The following PRDM6 variants were observed in gnomAD, a reference collection of about 807,000 sequenced individuals.
The protein encoded by PRDM6 is putative histone-lysine N-methyltransferase PRDM6.
Under a neutral mutation model 60.8 loss-of-function variants are expected in PRDM6, and 25 were observed. The ratio of observed to expected loss-of-function variants is 0.41; its 90% CI spans 0.30 to 0.57. The LOEUF (loss-of-function observed/expected upper bound fraction) is 0.57. PRDM6 is among the 20% of genes least tolerant of loss of function. The pLI is 0.27. For synonymous variants in PRDM6, 407 were observed against 357.4 expected, an observed-to-expected ratio of 1.14 and a Z score of -1.57; for missense variants, 839 against 821.3, an observed-to-expected ratio of 1.02 and a Z score of -0.26.
chr5:123,180,389 C>CA, intron 7 of PRDM6, 66 bp downstream of exon 7: 4 of 1,461,106 alleles, frequency 2.7e-6, no homozygotes, highest in Non-Finnish European at 3.7e-6. Context: ...GCTGATGCAT[C>CA]AGCACAGTGC....
chr5:123,090,634 TCCCGGGGCGCCGGCGCCGG>T (rs1763813426), intron 2 of PRDM6, 28 bp downstream of exon 2: 8 of 1,280,776 alleles, frequency 6.2e-6, no homozygotes, highest in Non-Finnish European at 8.0e-6. Context: ...GCGCGCTCTC[TCCCGGGGCGCCGGCGCCGG>T]CGCCGGCGGG....
chr5:123,124,263 T>C (rs549542579), intron 3 of PRDM6, among the ~76,000 whole-genome samples: 3 of 152,294 alleles, frequency 2.0e-5, no homozygotes, highest in African/African-American at 4.8e-5. Flanking sequence ...ATTTATTTCA[T>C]TGTAGATGTC....
At chr5:123,144,904 A>G (rs1198451840) in intron 3 of PRDM6, among the ~76,000 whole-genome samples, 3 of 152,134 alleles carry the variant, frequency 2.0e-5, no homozygotes, top group East Asian at 3.9e-4. Context: ...GTATCCTTTT[A>G]TCTATATCCA....
intron 3 of PRDM6, among the ~76,000 whole-genome samples, chr5:123,133,189 C>G (rs1368169797): frequency 6.6e-6 from 1 of 152,048 alleles, no homozygotes; most frequent in Non-Finnish European, 1.5e-5. Flanking sequence ...TGTTAGTTAT[C>G]TCTGTCATAA....
intron 3 of PRDM6, among the ~76,000 whole-genome samples, chr5:123,116,167 G>A (rs1764439792): frequency 6.6e-6 from 1 of 152,180 alleles, no homozygotes. Context: ...AAGGTCGGGT[G>A]GAGCTGGCTC....
At chr5:123,142,903 C>CAAAAAAAA (rs1337695138) in intron 3 of PRDM6, among the ~76,000 whole-genome samples, 1 of 68,128 alleles carries the variant, frequency 1.5e-5, no homozygotes, top group African/African-American at 5.9e-5. Context: ...AAAAAAAAAA[C>CAAAAAAAA]AAACAAACCA....
intron 3 of PRDM6, among the ~76,000 whole-genome samples, chr5:123,144,510 T>A (rs1765192664): frequency 6.6e-6 from 1 of 151,782 alleles, no homozygotes; most frequent in Non-Finnish European, 1.5e-5. Flanking sequence ...CACTGAGGCA[T>A]GAATGGGGTG....
At chr5:123,160,960 A>G (rs466970) in intron 5 of PRDM6, among the ~76,000 whole-genome samples, 31,569 of 151,974 alleles carry the variant, frequency 0.21, 3,904 homozygotes, top group African/African-American at 0.34. Context: ...AAACAGAATG[A>G]CTCCATGCCC....
At chr5:123,093,673 A>G (rs1313666250) in intron 2 of PRDM6, among the ~76,000 whole-genome samples, 1 of 151,974 alleles carries the variant, frequency 6.6e-6, no homozygotes, top group East Asian at 1.9e-4. Flanking sequence ...TACTGCCCTC[A>G]TTTGCTGCTG....
chr5:123,145,090 C>T (rs753293648), intron 3 of PRDM6, among the ~76,000 whole-genome samples: 2 of 152,166 alleles, frequency 1.3e-5, no homozygotes, highest in Non-Finnish European at 2.9e-5. Context: ...AGGTTATATC[C>T]TTGCATGCTT....
rs1416188982 is a variant in PRDM6, at chr5:123,170,449, TC to T, written c.1154-314del. 2.6e-5 allele frequency among the ~76,000 whole-genome samples: 4 copies of T among 152,218 alleles called. No individual in the cohort carries two copies. In the East Asian group the frequency reaches 5.8e-4, roughly 22 times the overall value. ...CTCTTGCTGTGCCTCCCATCTAAAC[TC>T]CCTCCAGGCATAGGTGCAGTGTGGT... On this transcript the variant is annotated intron_variant, in intron 5 of 7. Coordinates refer to ENST00000407847, the MANE Select transcript of PRDM6 (RefSeq NM_001136239.4).
At chr5:123,127,479 A>G (rs1225530313) in intron 3 of PRDM6, among the ~76,000 whole-genome samples, 2 of 152,216 alleles carry the variant, frequency 1.3e-5, no homozygotes, top group Admixed American at 1.3e-4. Context: ...TGTGTGTAGC[A>G]TCGTTGAGAG....
chr5:123,185,830 G>A (rs79887238), intron 7 of PRDM6, among the ~76,000 whole-genome samples: 11 of 152,326 alleles, frequency 7.2e-5, no homozygotes, highest in African/African-American at 2.4e-4. Flanking sequence ...ATTTACTGAA[G>A]AGGAGAAAGA....
intron 3 of PRDM6, among the ~76,000 whole-genome samples, chr5:123,152,641 T>C (rs571211729): frequency 6.6e-6 from 1 of 152,344 alleles, no homozygotes; most frequent in African/African-American, 2.4e-5. Flanking sequence ...ATTATTGTTG[T>C]TATCATAAGC....
chr5:123,167,412 G>A (rs1025559584), intron 5 of PRDM6, among the ~76,000 whole-genome samples: 3 of 146,872 alleles, frequency 2.0e-5, no homozygotes, highest in Admixed American at 1.3e-4. Context: ...TTTTTGAGAC[G>A]GAGTTTCACT....
chr5:123,105,949 C>T (rs1764189996), intron 3 of PRDM6, among the ~76,000 whole-genome samples: 1 of 152,196 alleles, frequency 6.6e-6, no homozygotes, highest in Non-Finnish European at 1.5e-5. Flanking sequence ...TGTGTAGGCC[C>T]CAGGCTCCAG....
At chr5:123,113,956 G>C (rs1017307082) in intron 3 of PRDM6, among the ~76,000 whole-genome samples, 1 of 152,172 alleles carries the variant, frequency 6.6e-6, no homozygotes, top group African/African-American at 2.4e-5. Context: ...ATGAGGCATT[G>C]TACAGGTCAC....
chr5:123,091,615 A>C (rs142278021), intron 2 of PRDM6, among the ~76,000 whole-genome samples: 15 of 152,340 alleles, frequency 9.8e-5, no homozygotes, highest in Admixed American at 9.2e-4. Flanking sequence ...CAGAAGTTAT[A>C]CTGTGTTTAC....
intron 6 of PRDM6, among the ~76,000 whole-genome samples, chr5:123,172,658 T>A (rs1765919073): frequency 6.6e-6 from 1 of 152,228 alleles, no homozygotes; most frequent in Admixed American, 6.5e-5. Context: ...GCTTTTTAAA[T>A]AGAGTGAATT....
Sources: gnomAD v4.1 joint callset for allele counts (sites outside exome capture counted in the v4.1 genomes callset) on GRCh38, gnomAD v4.1.1 for gene constraint, MANE v1.5 for transcripts, NCBI Gene and HGNC (gene_info 2026-07-23, HGNC 2026-07-21) for gene names.